The following COL25A1 variants were observed in gnomAD, a reference collection of about 807,000 sequenced individuals.
The protein encoded by COL25A1 is collagen alpha-1(XXV) chain.
In COL25A1, 103 loss-of-function variants were observed where a neutral mutation model predicts 128.4. That is an observed-to-expected ratio of 0.80 (90% CI 0.68 to 0.94). COL25A1 has a LOEUF of 0.94. Ranked by LOEUF, COL25A1 falls within the 40% of genes least tolerant of loss-of-function variation. COL25A1 has a pLI of 0.00. For missense variants in COL25A1, 745 were observed against 840.0 expected (o/e 0.89, Z 1.40); for synonymous variants, 279 against 277.2 (o/e 1.01, Z -0.06).
chr4:108,931,318 T>A (rs1326888456), intron 11 of COL25A1, among the ~76,000 whole-genome samples: 2 of 152,164 alleles, frequency 1.3e-5, no homozygotes, highest in Non-Finnish European at 2.9e-5. Context: ...AGATGAGGAA[T>A]CTAAGGCCTA....
intron 3 of COL25A1, among the ~76,000 whole-genome samples, chr4:109,206,678 G>A (rs1777024267): frequency 6.6e-6 from 1 of 152,146 alleles, no homozygotes; most frequent in Non-Finnish European, 1.5e-5. Context: ...TTACTTCAAT[G>A]TCTTGCAACA....
intron 6 of COL25A1, among the ~76,000 whole-genome samples, chr4:108,980,718 T>C (rs776780825): frequency 3.3e-5 from 5 of 152,246 alleles, no homozygotes; most frequent in Non-Finnish European, 5.9e-5. Context: ...TTCTTTCCTC[T>C]ACTTTTTCAA....
rs1579071057 is a variant in COL25A1 at position 109,010,226 on chromosome 4, A to T, written c.438+132T>A. 9.8e-6 allele frequency: 7 copies of T among 712,506 alleles called. No homozygotes were observed. The East Asian group carries it at 2.1e-4, about 22-fold the overall frequency. The allele number at this position is 712,506 out of a possible 1,614,324, so 44.1% of individuals were successfully genotyped here. On this transcript the variant is annotated intron_variant, in intron 6 of 37. Coordinates refer to ENST00000399132, the MANE Select transcript of COL25A1 (RefSeq NM_198721.4). ...CCCCAAGGGTTTACTCCTGGGAAAT[A>T]TTTGGTCTACTGTGTGGTGTTGTGA...
rs544300175 is a variant in COL25A1, at chr4:108,869,302, C to A, written c.1021-152G>T. ...TTTCTTGCCGAGATCCAGCTACTTG[C>A]CCTATGTACTTCTTCATTTGGCTGT... is the stretch of plus-strand genomic sequence containing the variant. On this transcript the variant is annotated intron_variant, in intron 19 of 37. Coordinates refer to ENST00000399132, the MANE Select transcript of COL25A1 (RefSeq NM_198721.4). 546 of 515,026 alleles carry A rather than the reference C, an allele frequency of 1.1e-3. 2 individuals carry two copies. The highest frequency in any genetic ancestry group is 3.2e-3 in the Middle Eastern group (6 of 1,894). The allele number at this position is 515,026 out of a possible 1,614,324, so 31.9% of individuals were successfully genotyped here.
At chr4:109,057,750 C>T (rs1188911457) in intron 3 of COL25A1, among the ~76,000 whole-genome samples, 1 of 151,978 alleles carries the variant, frequency 6.6e-6, no homozygotes, top group Non-Finnish European at 1.5e-5. Flanking sequence ...GGTCAATAAA[C>T]CAAAATTACC....
At chr4:108,849,559 A>T (rs975816545) in intron 26 of COL25A1, among the ~76,000 whole-genome samples, 1 of 152,210 alleles carries the variant, frequency 6.6e-6, no homozygotes, top group Admixed American at 6.5e-5. Flanking sequence ...AAGTTAATCG[A>T]ACAGCAAATG....
chr4:109,287,548 CTAG>C (rs1393324594), intron 3 of COL25A1, among the ~76,000 whole-genome samples: 4 of 152,070 alleles, frequency 2.6e-5, no homozygotes, highest in African/African-American at 9.7e-5. Flanking sequence ...CCTCCTCTAC[CTAG>C]TAGTAGGAGA....
chr4:109,132,467 C>G (rs1009425480), intron 3 of COL25A1, among the ~76,000 whole-genome samples: 7 of 151,918 alleles, frequency 4.6e-5, no homozygotes, highest in Non-Finnish European at 8.8e-5. Context: ...TTAATCCTGA[C>G]AATATATAAG....
chr4:109,125,694 T>A (rs1227766747), intron 3 of COL25A1, among the ~76,000 whole-genome samples: 1 of 152,140 alleles, frequency 6.6e-6, no homozygotes, highest in African/African-American at 2.4e-5. Flanking sequence ...TTTCAACACA[T>A]GGAATCTATG....
At chr4:109,037,285 A>C (rs767341554) in intron 5 of COL25A1, among the ~76,000 whole-genome samples, 1 of 152,150 alleles carries the variant, frequency 6.6e-6, no homozygotes, top group African/African-American at 2.4e-5. Flanking sequence ...TTATTAATGG[A>C]AGTGGTGACT....
chr4:109,123,019 G>A (rs1173252380), intron 3 of COL25A1, among the ~76,000 whole-genome samples: 1 of 151,978 alleles, frequency 6.6e-6, no homozygotes, highest in Non-Finnish European at 1.5e-5. Flanking sequence ...AATAAAAGAA[G>A]CTAAAATGTA....
At chr4:109,154,710 A>C (rs970897087) in intron 3 of COL25A1, among the ~76,000 whole-genome samples, 1 of 152,234 alleles carries the variant, frequency 6.6e-6, no homozygotes, top group African/African-American at 2.4e-5. Flanking sequence ...TAAGAAATTG[A>C]AATCCTTGGT....
At chr4:108,857,291 T>G (rs769077020) in intron 24 of COL25A1, among the ~76,000 whole-genome samples, 4 of 152,118 alleles carry the variant, frequency 2.6e-5, no homozygotes, top group Non-Finnish European at 5.9e-5. Context: ...CACCAAAACT[T>G]TGTGTTCCCT....
chr4:108,961,444 C>T (rs1750664641), intron 8 of COL25A1, among the ~76,000 whole-genome samples: 1 of 152,172 alleles, frequency 6.6e-6, no homozygotes, highest in South Asian at 2.1e-4. Flanking sequence ...ATTCATAAAT[C>T]TTGCAAAAGG....
At chr4:108,823,960 T>C (rs1732070185) in intron 35 of COL25A1, 1 of 1,450,414 alleles carries the variant, frequency 6.9e-7, no homozygotes, top group Non-Finnish European at 9.0e-7. Flanking sequence ...GTGATAATAA[T>C]TTTTTCTTCT....
intron 11 of COL25A1, among the ~76,000 whole-genome samples, chr4:108,923,036 C>T (rs1024400517): frequency 2.6e-5 from 4 of 152,226 alleles, no homozygotes; most frequent in South Asian, 2.1e-4. Context: ...CACACACACA[C>T]GTGTGCGCAT....
intron 3 of COL25A1, among the ~76,000 whole-genome samples, chr4:109,060,265 G>A (rs937190109): frequency 2.0e-5 from 3 of 152,114 alleles, no homozygotes; most frequent in Non-Finnish European, 4.4e-5. Flanking sequence ...ATTTAGTTAG[G>A]GGACTTTGAT....
At chr4:109,066,680 G>T (rs115329747) in intron 3 of COL25A1, among the ~76,000 whole-genome samples, 1 of 151,920 alleles carries the variant, frequency 6.6e-6, no homozygotes, top group East Asian at 1.9e-4. Context: ...TTTGAGACAG[G>T]ATCTTGCTCT....
chr4:109,093,108 A>G (rs1765070016), intron 3 of COL25A1, among the ~76,000 whole-genome samples: 1 of 152,152 alleles, frequency 6.6e-6, no homozygotes, highest in African/African-American at 2.4e-5. Context: ...CAAAACAAGA[A>G]GTCTTAAACC....
Sources: allele counts gnomAD v4.1 joint callset (sites outside exome capture counted in the v4.1 genomes callset), GRCh38; gene constraint gnomAD v4.1.1; transcripts MANE v1.5; gene names NCBI Gene and HGNC (gene_info 2026-07-23, HGNC 2026-07-21).